The following TTLL5 variants were observed in gnomAD, a reference collection of about 807,000 sequenced individuals.
TTLL5 encodes the protein tubulin tyrosine ligase like 5, also known as tubulin polyglutamylase TTLL5.
TTLL5 carries 132 observed loss-of-function variants against 168.4 expected under a neutral mutation model. The ratio of observed to expected loss-of-function variants is 0.78; its 90% CI spans 0.68 to 0.91. TTLL5 has a LOEUF of 0.91. Among genes scored for constraint, TTLL5 ranks in the 40% least tolerant of loss-of-function variants. The probability of loss-of-function intolerance (pLI) is 0.00; values close to 1 mark genes in which losing one functional copy is unlikely to be tolerated. For missense variants in TTLL5, 1,545 were observed against 1,581.5 expected, an observed-to-expected ratio of 0.98 and a Z score of 0.39; for synonymous variants, 546 against 558.6, an observed-to-expected ratio of 0.98 and a Z score of 0.32.
At chr14:75,885,434 G>A (rs1163414791) in intron 30 of TTLL5, among the ~76,000 whole-genome samples, 1 of 152,178 alleles carries the variant, frequency 6.6e-6, no homozygotes, top group Non-Finnish European at 1.5e-5. Flanking sequence ...AGAGCTTGCA[G>A]TGAGCCGAGA....
chr14:75,804,551 A>G (rs1893540323), intron 27 of TTLL5, among the ~76,000 whole-genome samples: 1 of 152,244 alleles, frequency 6.6e-6, no homozygotes, highest in African/African-American at 2.4e-5. Context: ...ATCTGGACAC[A>G]TTTGAACTTA....
chr14:75,951,218 C>T (rs575481439), intron 31 of TTLL5, among the ~76,000 whole-genome samples: 16 of 151,364 alleles, frequency 1.1e-4, no homozygotes, highest in African/African-American at 2.4e-4. Flanking sequence ...CATGGTGGCA[C>T]ATGCTTGTGG....
chr14:75,869,050 G>GTGTT (rs2030790485), intron 29 of TTLL5, among the ~76,000 whole-genome samples: 1 of 148,836 alleles, frequency 6.7e-6, no homozygotes, highest in Non-Finnish European at 1.5e-5. Context: ...GTGTGTGTGT[G>GTGTT]TGTGTGTGTG....
chr14:75,907,399 G>A (rs1028726572), intron 31 of TTLL5, among the ~76,000 whole-genome samples: 2 of 152,126 alleles, frequency 1.3e-5, no homozygotes, highest in African/African-American at 4.8e-5. Flanking sequence ...AAACTTCAAG[G>A]CTTTGATAAT....
In TTLL5 at chr14:75,769,807, G is replaced by A. The variant is rs145421785; in HGVS notation, c.2016-1927G>A. On this transcript the variant is annotated intron_variant, in intron 20 of 31. Coordinates refer to ENST00000298832, the MANE Select transcript of TTLL5 (RefSeq NM_015072.5). ...ATTTGTTGTGGAGACAAAGCTTATA[G>A]GATTGATTCAGGGTAAAGTGATATA... Among the ~76,000 whole-genome samples the A allele has an allele frequency of 5.8e-3, 884 of 152,238 alleles. 8 individuals are homozygous for A. Among genetic ancestry groups the A allele is most frequent in the Middle Eastern group, 0.014 (4 of 294 alleles).
chr14:75,773,961 G>GAGAC (rs1236243473), intron 21 of TTLL5, among the ~76,000 whole-genome samples: 2 of 43,202 alleles, frequency 4.6e-5, no homozygotes, highest in East Asian at 1.3e-3. Flanking sequence ...GAGAGAAAGA[G>GAGAC]AGAGAGAGAG....
chr14:75,693,434 C>A (rs1432980179), intron 6 of TTLL5, among the ~76,000 whole-genome samples: 1 of 152,180 alleles, frequency 6.6e-6, no homozygotes, highest in Non-Finnish European at 1.5e-5. Flanking sequence ...AAGAGACAAC[C>A]TGTAAAGATA....
intron 20 of TTLL5, among the ~76,000 whole-genome samples, chr14:75,766,757 A>G (rs1273907831): frequency 1.3e-5 from 2 of 152,182 alleles, no homozygotes; most frequent in African/African-American, 4.8e-5. Context: ...TGGGAGGGCT[A>G]GAAAGGCATT....
intron 28 of TTLL5, among the ~76,000 whole-genome samples, chr14:75,834,891 C>A (rs991784696): frequency 8.6e-5 from 13 of 151,602 alleles, no homozygotes; most frequent in Middle Eastern, 3.2e-3. Flanking sequence ...TATAGTGAGA[C>A]CCTCATCTCT....
In TTLL5 at chr14:75,870,037, T is replaced by G. The variant is rs991163092; in HGVS notation, c.3522+6175T>G. On this transcript the variant is annotated intron_variant, in intron 29 of 31. Coordinates refer to ENST00000298832, the MANE Select transcript of TTLL5 (RefSeq NM_015072.5). The stretch of plus-strand genomic sequence containing the variant: ...GTTTTCACCATAGTGGTGAGGACGG[T>G]CTTGAACTCCTGACCTTGTGATCCA... Among the ~76,000 whole-genome samples, 20 of 151,992 alleles carry G rather than the reference T, an allele frequency of 1.3e-4. No homozygotes were observed. The South Asian group carries it at 1.7e-3, about 13-fold the overall frequency.
At chr14:75,802,755 G>A (rs1302685455) in intron 27 of TTLL5, among the ~76,000 whole-genome samples, 1 of 152,138 alleles carries the variant, frequency 6.6e-6, no homozygotes, top group Non-Finnish European at 1.5e-5. Flanking sequence ...ATAGTAACAT[G>A]GAATATGCAT....
At chr14:75,951,859 G>T (rs1366895957) in intron 31 of TTLL5, among the ~76,000 whole-genome samples, 1 of 152,138 alleles carries the variant, frequency 6.6e-6, no homozygotes, top group African/African-American at 2.4e-5. Context: ...TTTAAGCAAA[G>T]AACTTCTAAA....
chr14:75,701,582 A>C (rs1265779078), intron 7 of TTLL5, among the ~76,000 whole-genome samples: 1 of 152,210 alleles, frequency 6.6e-6, no homozygotes, highest in African/African-American at 2.4e-5. Context: ...GTGAATGCAG[A>C]GGAGGATTTT....
At chr14:75,717,524 A>G (rs994917448) in intron 9 of TTLL5, among the ~76,000 whole-genome samples, 13 of 152,164 alleles carry the variant, frequency 8.5e-5, no homozygotes, top group Admixed American at 2.6e-4. Context: ...TATTGGTGTA[A>G]TGTTCTATAT....
chr14:75,901,868 GAC>G (rs1247460258), intron 30 of TTLL5, among the ~76,000 whole-genome samples: 1 of 152,188 alleles, frequency 6.6e-6, no homozygotes, highest in East Asian at 1.9e-4. Context: ...AGGCACTGGA[GAC>G]ACAGCAATGA....
intron 9 of TTLL5, chr14:75,711,456 C>G (rs991222339): frequency 6.6e-6 from 1 of 152,120 alleles, no homozygotes; most frequent in Non-Finnish European, 1.5e-5. Context: ...GATGAGTTGA[C>G]AGAGCCCTTT....
intron 21 of TTLL5, among the ~76,000 whole-genome samples, chr14:75,772,776 T>C (rs1891424904): frequency 2.0e-5 from 3 of 151,832 alleles, no homozygotes; most frequent in Non-Finnish European, 4.4e-5. Context: ...CAAGCTATTC[T>C]CCTGCCTTAG....
At chr14:75,851,870 A>G (rs1896873648) in intron 28 of TTLL5, among the ~76,000 whole-genome samples, 1 of 152,204 alleles carries the variant, frequency 6.6e-6, no homozygotes, top group Non-Finnish European at 1.5e-5. Flanking sequence ...CTTTCTCAGA[A>G]GCAGTGCTTG....
chr14:75,889,418 G>A (rs1284609629), intron 30 of TTLL5, among the ~76,000 whole-genome samples: 1 of 152,178 alleles, frequency 6.6e-6, no homozygotes, highest in Non-Finnish European at 1.5e-5. Flanking sequence ...ATAACTTTGT[G>A]CCCTACAGAG....
Sources: allele counts gnomAD v4.1 joint callset (sites outside exome capture counted in the v4.1 genomes callset), GRCh38; gene constraint gnomAD v4.1.1; transcripts MANE v1.5; gene names NCBI Gene and HGNC (gene_info 2026-07-23, HGNC 2026-07-21).